Variants in TRHDE observed in about 807,000 individuals in gnomAD.
TRHDE encodes thyrotropin releasing hormone degrading enzyme, also known as thyrotropin-releasing hormone-degrading ectoenzyme.
A neutral mutation model predicts 125.7 loss-of-function variants in TRHDE; 72 were observed. The observed-to-expected ratio is 0.57, with a 90% CI of 0.47 to 0.70. The LOEUF (loss-of-function observed/expected upper bound fraction) is 0.70, where lower values mean the gene tolerates loss of function less well. TRHDE is among the 30% of genes least tolerant of loss of function. TRHDE has a pLI of 0.00. For synonymous variants in TRHDE, 509 were observed against 509.1 expected, an observed-to-expected ratio of 1.00 and a Z score of 0.00; for missense variants, 1,110 against 1,327.1, an observed-to-expected ratio of 0.84 and a Z score of 2.54.
chr12:72,582,693 T>C, intron 12 of TRHDE: 1 of 842,274 alleles, frequency 1.2e-6, no homozygotes. Flanking sequence ...TGAGAAGGAA[T>C]TATAAACCTT....
At chr12:72,511,254 A>G (rs1023087625) in intron 6 of TRHDE, among the ~76,000 whole-genome samples, 2 of 152,234 alleles carry the variant, frequency 1.3e-5, no homozygotes, top group South Asian at 4.1e-4. Flanking sequence ...ATAATATAAA[A>G]TTTACAGCTT....
intron 6 of TRHDE, among the ~76,000 whole-genome samples, chr12:72,540,758 G>A (rs1869105922): frequency 6.6e-6 from 1 of 151,548 alleles, no homozygotes; most frequent in African/African-American, 2.4e-5. Flanking sequence ...AAATGCTTAT[G>A]TTTCATGGTC....
intron 2 of TRHDE, among the ~76,000 whole-genome samples, chr12:72,260,218 T>A (rs1878917850): frequency 6.6e-6 from 1 of 152,216 alleles, no homozygotes; most frequent in South Asian, 2.1e-4. Flanking sequence ...CAAGTAGGAC[T>A]CTATTGTATA....
chr12:72,589,733 A>C (rs1217966672), intron 12 of TRHDE, among the ~76,000 whole-genome samples: 3 of 152,210 alleles, frequency 2.0e-5, no homozygotes, highest in African/African-American at 7.2e-5. Context: ...ATAATGTCTT[A>C]TGAGTTTTGT....
At chr12:72,320,170 A>G (rs1003535252) in intron 2 of TRHDE, among the ~76,000 whole-genome samples, 1 of 151,958 alleles carries the variant, frequency 6.6e-6, no homozygotes, top group Non-Finnish European at 1.5e-5. Context: ...GTATATGCAT[A>G]CACACATAGA....
intron 15 of TRHDE, among the ~76,000 whole-genome samples, chr12:72,633,739 T>C (rs1338624055): frequency 1.3e-5 from 2 of 152,148 alleles, no homozygotes; most frequent in African/African-American, 2.4e-5. Flanking sequence ...TTTATGAATT[T>C]AGTGGTACTA....
chr12:72,364,789 C>A (rs1222108916), intron 2 of TRHDE, among the ~76,000 whole-genome samples: 1 of 152,064 alleles, frequency 6.6e-6, no homozygotes, highest in Admixed American at 6.6e-5. Context: ...ATGGGCCAAA[C>A]TAAATTGATA....
chr12:72,099,499 T>G (rs1875017498), intron 1 of TRHDE, among the ~76,000 whole-genome samples: 1 of 151,878 alleles, frequency 6.6e-6, no homozygotes, highest in Non-Finnish European at 1.5e-5. Flanking sequence ...ATAGTTTGAA[T>G]TTTTTTTCCC....
chr12:72,388,607 C>T (rs978610350), intron 3 of TRHDE, among the ~76,000 whole-genome samples: 2 of 152,100 alleles, frequency 1.3e-5, no homozygotes, highest in Admixed American at 6.6e-5. Flanking sequence ...AATATGATTT[C>T]AAAGAAATAA....
Position 72,450,833 on chromosome 12 carries a change from G to A in TRHDE, c.1316-18925G>A, listed in dbSNP as rs73344448. On this transcript the variant is annotated intron_variant, in intron 3 of 18. Transcript: ENST00000261180. Reference sequence around the variant, plus strand: ...AGTATCTTTTGTTTTTTCTGTAGTAGCCATTCTAACAGGTGTGAGGTGATA... The same window carrying A: ...AGTATCTTTTGTTTTTTCTGTAGTAACCATTCTAACAGGTGTGAGGTGATA... 1.7e-3 allele frequency among the ~76,000 whole-genome samples: 261 copies of A among 152,106 alleles called. 2 individuals carry two copies. The highest frequency in any genetic ancestry group is 6.1e-3 in the African/African-American group (255 of 41,536).
At chr12:72,173,236 C>A (rs1214184743) in intron 2 of TRHDE, among the ~76,000 whole-genome samples, 1 of 151,986 alleles carries the variant, frequency 6.6e-6, no homozygotes, top group Non-Finnish European at 1.5e-5. Flanking sequence ...CACAATTGGG[C>A]AGAATAAAAT....
intron 2 of TRHDE, among the ~76,000 whole-genome samples, chr12:72,177,225 T>C (rs1039601087): frequency 2.6e-5 from 4 of 152,318 alleles, no homozygotes; most frequent in Admixed American, 6.5e-5. Flanking sequence ...TATTTATAGT[T>C]CTTTCAAAAG....
At chr12:72,275,755 C>G (rs1879465220) in intron 1 of TRHDE, among the ~76,000 whole-genome samples, 1 of 152,130 alleles carries the variant, frequency 6.6e-6, no homozygotes. Context: ...CTGCTTGAAC[C>G]GTAACTGATT....
At chr12:72,135,045 A>G (rs1875949942) in intron 2 of TRHDE, among the ~76,000 whole-genome samples, 1 of 152,202 alleles carries the variant, frequency 6.6e-6, no homozygotes, top group South Asian at 2.1e-4. Flanking sequence ...AAAAAAAAGA[A>G]AAAAGAAAAG....
rs535233718 is a variant in TRHDE, at chr12:72,472,707, C to T, written c.1471-360C>T. On this transcript the variant is annotated intron_variant, in intron 4 of 18. Transcript: ENST00000261180. ...TTTCCGTTCATTAGTCCTGGTTTGT[C>T]CCTTGTAGGGTCACAAGAAACAAGC... Among the ~76,000 whole-genome samples, 5 of 152,292 alleles carry T rather than the reference C, an allele frequency of 3.3e-5. 1 individual carries two copies. In the South Asian group the frequency reaches 1.0e-3, roughly 32 times the overall value.
intron 2 of TRHDE, among the ~76,000 whole-genome samples, chr12:72,302,246 ATG>A (rs10581163): frequency 0.65 from 97,445 of 149,170 alleles, 31,815 homozygotes; most frequent in East Asian, 0.76. Context: ...GTGTGTGTGT[ATG>A]TGTGTGTGTG....
intron 2 of TRHDE, among the ~76,000 whole-genome samples, chr12:72,164,544 GC>G (rs1347448261): frequency 3.3e-5 from 5 of 152,256 alleles, no homozygotes; most frequent in Admixed American, 3.3e-4. Context: ...TCCTGTGGTG[GC>G]AGGCTGGACA....
At chr12:72,633,389 C>T (rs1272688789) in intron 15 of TRHDE, among the ~76,000 whole-genome samples, 1 of 152,086 alleles carries the variant, frequency 6.6e-6, no homozygotes, top group Non-Finnish European at 1.5e-5. Flanking sequence ...TTATTCTGTT[C>T]TCCACCAGGT....
intron 2 of TRHDE, among the ~76,000 whole-genome samples, chr12:72,220,406 C>A (rs1877979347): frequency 6.6e-6 from 1 of 152,118 alleles, no homozygotes; most frequent in Non-Finnish European, 1.5e-5. Context: ...CAGTACCTGG[C>A]AGGCACATGG....
Sources: gnomAD v4.1 joint callset for allele counts (sites outside exome capture counted in the v4.1 genomes callset) on GRCh38, gnomAD v4.1.1 for gene constraint, MANE v1.5 for transcripts, NCBI Gene and HGNC (gene_info 2026-07-23, HGNC 2026-07-21) for gene names.